Variants in SASH1 observed in about 807,000 individuals in gnomAD.
SASH1 encodes the protein SAM and SH3 domain containing 1, also known as SAM and SH3 domain-containing protein 1.
SASH1 carries 44 observed loss-of-function variants against 125.2 expected under a neutral mutation model. The observed-to-expected ratio is 0.35, with a 90% confidence interval of 0.28 to 0.45. The LOEUF (loss-of-function observed/expected upper bound fraction) is 0.45, where lower values mean the gene tolerates loss of function less well. Ranked by LOEUF, SASH1 falls within the 20% of genes least tolerant of loss-of-function variation. SASH1 has a pLI of 1.00. For synonymous variants in SASH1, 639 were observed against 649.1 expected (o/e 0.98, Z 0.24); for missense variants, 1,426 against 1,614.5 (o/e 0.88, Z 2.00).
chr6:148,369,598 T>G (rs762542395), intron 1 of SASH1, among the ~76,000 whole-genome samples: 6 of 152,118 alleles, frequency 3.9e-5, no homozygotes, highest in Non-Finnish European at 5.9e-5. Context: ...ATAACTTTCT[T>G]AAGGTCAGAG....
intron 1 of SASH1, among the ~76,000 whole-genome samples, chr6:148,360,213 A>C (rs78949622): frequency 6.9e-6 from 1 of 144,030 alleles, no homozygotes; most frequent in African/African-American, 2.6e-5. Context: ...GACGTCCTTC[A>C]TTTTTTTTTT....
chr6:148,206,444 G>A, the SASH1 span, among the ~76,000 whole-genome samples: 2 of 152,028 alleles, frequency 1.3e-5, no homozygotes, highest in Non-Finnish European at 2.9e-5. Context: ...GAAATGTAAT[G>A]TCACTAGCAT....
chr6:148,446,016 A>G (rs1305204269), intron 4 of SASH1, among the ~76,000 whole-genome samples: 1 of 150,698 alleles, frequency 6.6e-6, no homozygotes, highest in African/African-American at 2.4e-5. Flanking sequence ...CTTGACCACC[A>G]TAGCTATAAG....
chr6:148,534,183 A>T (rs1781696762), intron 15 of SASH1, among the ~76,000 whole-genome samples: 1 of 152,196 alleles, frequency 6.6e-6, no homozygotes, highest in Non-Finnish European at 1.5e-5. Context: ...CCTTGACCTC[A>T]GCTGTGGGTG....
chr6:148,461,141 T>G (rs17714626), intron 4 of SASH1, among the ~76,000 whole-genome samples: 10,517 of 152,256 alleles, frequency 0.069, 499 homozygotes, highest in Non-Finnish European at 0.1. Context: ...GGTACTGTTT[T>G]TATCATCACA....
rs1352577928 is a variant in SASH1 at position 148,301,688 on chromosome 6, T to C, written n.74+29311T>C. On this transcript the variant is annotated intron_variant and non_coding_transcript_variant, in intron 1 of 3. Coordinates refer to the SASH1 transcript ENST00000367469. Reference sequence around the variant, plus strand: ...CAACCTCCCAGGCTGAAGCATTCCTTTCACCTCCGTCCCCCAAGTAGCTGG... The same window carrying C: ...CAACCTCCCAGGCTGAAGCATTCCTCTCACCTCCGTCCCCCAAGTAGCTGG... Among the ~76,000 whole-genome samples the C allele has an allele frequency of 2.0e-5, 3 of 151,392 alleles. No homozygotes were observed. The East Asian group carries it at 5.9e-4, about 30-fold the overall frequency.
chr6:148,384,231 A>G (rs1783268722), intron 1 of SASH1, among the ~76,000 whole-genome samples: 1 of 152,212 alleles, frequency 6.6e-6, no homozygotes, highest in African/African-American at 2.4e-5. Flanking sequence ...AATTATTTTG[A>G]GGAAATAACG....
intron 16 of SASH1, among the ~76,000 whole-genome samples, chr6:148,540,194 T>A (rs1782133224): frequency 6.6e-6 from 1 of 152,224 alleles, no homozygotes; most frequent in Admixed American, 6.5e-5. Context: ...TCTGTTCGCA[T>A]AACTAACTTA....
chr6:148,458,608 T>C (rs1243368542), intron 4 of SASH1, among the ~76,000 whole-genome samples: 5 of 152,152 alleles, frequency 3.3e-5, no homozygotes, highest in Non-Finnish European at 7.3e-5. Flanking sequence ...AAACAATAAA[T>C]CATTGATTGT....
intron 2 of SASH1, among the ~76,000 whole-genome samples, chr6:148,405,276 G>T (rs1259203224): frequency 6.6e-6 from 1 of 151,994 alleles, no homozygotes; most frequent in Non-Finnish European, 1.5e-5. Context: ...ATATTAGCAA[G>T]TAATGGTTGC....
chr6:148,440,520 T>C (rs1405541732), intron 4 of SASH1, 113 bp downstream of exon 4: 14 of 892,366 alleles, frequency 1.6e-5, no homozygotes, highest in Admixed American at 8.4e-5. Context: ...AGTTATGCGA[T>C]GTCATTTTCC....
At chr6:148,385,554 G>GT (rs1370642734) in intron 1 of SASH1, among the ~76,000 whole-genome samples, 1 of 152,178 alleles carries the variant, frequency 6.6e-6, no homozygotes, top group Non-Finnish European at 1.5e-5. Flanking sequence ...ATGGAAGCTG[G>GT]TCACAGGAAA....
chr6:148,333,264 T>G (rs903430220), intron 1 of SASH1, among the ~76,000 whole-genome samples: 8 of 151,810 alleles, frequency 5.3e-5, no homozygotes, highest in Non-Finnish European at 8.8e-5. Context: ...AATAATAAAA[T>G]TAGCCAGGCA....
At chr6:148,308,831 C>T (rs376082021) in intron 1 of SASH1, among the ~76,000 whole-genome samples, 27 of 151,036 alleles carry the variant, frequency 1.8e-4, no homozygotes, top group African/African-American at 6.5e-4. Context: ...TGCCTGTAAT[C>T]CCAGCACTTT....
intron 1 of SASH1, among the ~76,000 whole-genome samples, chr6:148,306,077 TA>T (rs931365035): frequency 2.0e-5 from 3 of 152,108 alleles, no homozygotes; most frequent in African/African-American, 7.2e-5. Context: ...AAAACAATTT[TA>T]AAAAAAGAAA....
intron 8 of SASH1, among the ~76,000 whole-genome samples, chr6:148,503,572 A>G (rs1011642381): frequency 6.6e-6 from 1 of 152,222 alleles, no homozygotes. Flanking sequence ...TACGGTGCAC[A>G]CCAGGGGCCT....
At chr6:148,202,261 T>C in the SASH1 span, among the ~76,000 whole-genome samples, 1 of 152,154 alleles carries the variant, frequency 6.6e-6, no homozygotes, top group African/African-American at 2.4e-5. Flanking sequence ...TACTCTACAA[T>C]GGAAGCCAAC....
At chr6:148,446,330 G>C (rs1317754869) in intron 4 of SASH1, among the ~76,000 whole-genome samples, 3 of 151,898 alleles carry the variant, frequency 2.0e-5, no homozygotes, top group Admixed American at 1.3e-4. Context: ...GGATGGTCTT[G>C]ATCTCCTGAC....
At chr6:148,442,636 T>G (rs954736532) in intron 4 of SASH1, among the ~76,000 whole-genome samples, 8 of 152,060 alleles carry the variant, frequency 5.3e-5, no homozygotes, top group African/African-American at 1.7e-4. Flanking sequence ...CCCTAAATGC[T>G]TAAGCAAATA....
Sources: allele counts gnomAD v4.1 joint callset (sites outside exome capture counted in the v4.1 genomes callset), GRCh38; gene constraint gnomAD v4.1.1; transcripts MANE v1.5; gene names NCBI Gene and HGNC (gene_info 2026-07-23, HGNC 2026-07-21).